Variants in PCCB observed in about 807,000 individuals in gnomAD.
The protein encoded by PCCB is propionyl-CoA carboxylase beta chain, mitochondrial.
A neutral mutation model predicts 60.7 loss-of-function variants in PCCB; 43 were observed. The ratio of observed to expected loss-of-function variants is 0.71; its 90% CI spans 0.55 to 0.91. PCCB has a LOEUF of 0.91. Among genes scored for constraint, PCCB ranks in the 40% least tolerant of loss-of-function variants. The pLI is 0.00. For missense variants in PCCB, 766 were observed against 702.8 expected (o/e 1.09, Z -1.02); for synonymous variants, 276 against 255.9 (o/e 1.08, Z -0.75).
chr3:136,317,627 T>A (rs543722760), intron 10 of PCCB, among the ~76,000 whole-genome samples: 1 of 152,308 alleles, frequency 6.6e-6, no homozygotes, highest in South Asian at 2.1e-4. Context: ...TTTTCAATTT[T>A]TTAGGGGTCA....
intron 10 of PCCB, among the ~76,000 whole-genome samples, chr3:136,320,343 A>C (rs752231106): frequency 6.6e-6 from 1 of 151,760 alleles, no homozygotes; most frequent in Admixed American, 6.6e-5. Context: ...ATGTCTTTCC[A>C]TTTTTCTTCT....
At chr3:136,267,612 G>A (rs977619761) in intron 5 of PCCB, among the ~76,000 whole-genome samples, 1 of 152,114 alleles carries the variant, frequency 6.6e-6, no homozygotes, top group Non-Finnish European at 1.5e-5. Context: ...ATCCTCCTGA[G>A]TAGCTGAGAC....
intron 5 of PCCB, among the ~76,000 whole-genome samples, chr3:136,282,139 G>A (rs1942491794): frequency 6.6e-6 from 1 of 152,094 alleles, no homozygotes. Flanking sequence ...TCCCAATCTG[G>A]CACCAACTAG....
chr3:136,328,134 A>G (rs1935400716), intron 13 of PCCB, among the ~76,000 whole-genome samples: 1 of 152,200 alleles, frequency 6.6e-6, no homozygotes, highest in Non-Finnish European at 1.5e-5. Flanking sequence ...TTAAGCTCAT[A>G]AGAAGCTAAA....
At chr3:136,257,672 C>T (rs142233905) in intron 3 of PCCB, among the ~76,000 whole-genome samples, 2 of 152,278 alleles carry the variant, frequency 1.3e-5, no homozygotes, top group South Asian at 4.1e-4. Flanking sequence ...CGTGGTGGCT[C>T]ATGCCTGTAG....
chr3:136,270,450 C>T (rs576771), intron 5 of PCCB, among the ~76,000 whole-genome samples: 112,523 of 151,990 alleles, frequency 0.74, 41,923 homozygotes, highest in East Asian at 0.86. Flanking sequence ...TTCAGTAAGA[C>T]AGAACACTCA....
intron 12 of PCCB, among the ~76,000 whole-genome samples, 188 bp downstream of exon 12, chr3:136,327,443 G>C (rs1213615522): frequency 6.6e-6 from 1 of 152,232 alleles, no homozygotes; most frequent in Non-Finnish European, 1.5e-5. Context: ...GGGAACTGAA[G>C]GCAGTAGTGG....
intron 10 of PCCB, among the ~76,000 whole-genome samples, chr3:136,325,098 C>T (rs1378457854): frequency 1.3e-5 from 2 of 152,134 alleles, no homozygotes; most frequent in Admixed American, 1.3e-4. Flanking sequence ...CCATTTTGGC[C>T]AGGCTGGTCT....
At chr3:136,316,242 C>T (rs1934888909) in intron 9 of PCCB, among the ~76,000 whole-genome samples, 1 of 150,932 alleles carries the variant, frequency 6.6e-6, no homozygotes, top group African/African-American at 2.4e-5. Context: ...AAAAAAAAAG[C>T]AGAATAGTTT....
chr3:136,271,595 GTATTT>G (rs1472217014), intron 5 of PCCB, among the ~76,000 whole-genome samples: 1 of 152,184 alleles, frequency 6.6e-6, no homozygotes, highest in Non-Finnish European at 1.5e-5. Flanking sequence ...ATATTCCTAG[GTATTT>G]TATTTTATTT....
At chr3:136,260,091 T>TGTTTC (rs1363124737) in intron 3 of PCCB, 105 of 294,322 alleles carry the variant, frequency 3.6e-4, no homozygotes, top group African/African-American at 2.3e-3. Context: ...TGTTTTGTTT[T>TGTTTC]GAGACAGGGT....
intron 9 of PCCB, among the ~76,000 whole-genome samples, chr3:136,308,628 A>G (rs1317450459): frequency 1.3e-5 from 2 of 152,240 alleles, no homozygotes; most frequent in African/African-American, 4.8e-5. Context: ...CCTGGTAATG[A>G]ACAATAAATC....
intron 9 of PCCB, among the ~76,000 whole-genome samples, chr3:136,313,245 T>G (rs1359671796): frequency 6.6e-6 from 1 of 152,160 alleles, no homozygotes; most frequent in Non-Finnish European, 1.5e-5. Flanking sequence ...CCATACAAAA[T>G]TATAGATGTA....
At chr3:136,272,594 C>G (rs939605854) in intron 5 of PCCB, among the ~76,000 whole-genome samples, 3 of 151,860 alleles carry the variant, frequency 2.0e-5, no homozygotes, top group Non-Finnish European at 4.4e-5. Flanking sequence ...TATGTTTCCA[C>G]GAGTTTATCC....
At chr3:136,311,702 G>A (rs1333358984) in intron 9 of PCCB, among the ~76,000 whole-genome samples, 1 of 152,106 alleles carries the variant, frequency 6.6e-6, no homozygotes, top group Non-Finnish European at 1.5e-5. Flanking sequence ...GCTCACACCT[G>A]TAATCCCAGC....
chr3:136,299,554 GTGTA>G (rs1157291602), intron 8 of PCCB, among the ~76,000 whole-genome samples: 6 of 119,406 alleles, frequency 5.0e-5, no homozygotes, highest in East Asian at 2.0e-4. Context: ...AGGTATGCAT[GTGTA>G]TGTATGTATA....
In PCCB at chr3:136,283,910, A is replaced by G. The variant is rs779033674; in HGVS notation, c.617A>G (p.Tyr206Cys). ...IMGPCAGGAV[Y>C]SPALTDFTFM... ...GGCCCATGTGCTGGTGGGGCCGTCT[A>G]CTCCCCAGCCCTAACAGACTTCACG... The change falls in exon 6 of 15, where the codon TAC becomes TGC. Residue 206 changes from tyrosine to cysteine, a missense_variant. Physicochemically the swap from Tyr to Cys is radical, Grantham distance 194. Transcript: ENST00000251654. 2 of 1,612,984 alleles carry G rather than the reference A, an allele frequency of 1.2e-6. No homozygotes were observed. The highest frequency in any genetic ancestry group is 8.5e-7 in the Non-Finnish European group (1 of 1,179,194).
At chr3:136,329,087 T>C (rs1229378001) in intron 14 of PCCB, among the ~76,000 whole-genome samples, 1 of 152,206 alleles carries the variant, frequency 6.6e-6, no homozygotes, top group Non-Finnish European at 1.5e-5. Flanking sequence ...AATTTCTAGG[T>C]GTTGTTCCAG....
intron 8 of PCCB, among the ~76,000 whole-genome samples, chr3:136,299,849 TGC>T (rs1934163868): frequency 6.7e-6 from 1 of 150,326 alleles, no homozygotes; most frequent in Non-Finnish European, 1.5e-5. Flanking sequence ...TGTATGTATA[TGC>T]ATGCATATGT....
Sources: gnomAD v4.1 joint callset for allele counts (sites outside exome capture counted in the v4.1 genomes callset) on GRCh38, gnomAD v4.1.1 for gene constraint, MANE v1.5 for transcripts, NCBI Gene and HGNC (gene_info 2026-07-23, HGNC 2026-07-21) for gene names.